SLC12A6: variants seen among roughly 807,000 people sequenced by gnomAD.
The protein encoded by SLC12A6 is solute carrier family 12 member 6, also known as K-Cl cotransporter 3.
A neutral mutation model predicts 135.3 loss-of-function variants in SLC12A6; 66 were observed. That is an observed-to-expected ratio of 0.49 (90% CI 0.40 to 0.60). The LOEUF is 0.60. Ranked by LOEUF, SLC12A6 falls within the 20% of genes least tolerant of loss-of-function variation. The probability of loss-of-function intolerance (pLI) is 0.00; values close to 1 mark genes in which losing one functional copy is unlikely to be tolerated. For synonymous variants in SLC12A6, 513 were observed against 508.8 expected (o/e 1.01, Z -0.11); for missense variants, 1,058 against 1,452.3 (o/e 0.73, Z 4.41).
At position 34,254,576 on chromosome 15, in the gene SLC12A6, G is replaced by C; in HGVS notation, c.890C>G (p.Pro297Arg). 1 of 1,607,538 alleles carries C rather than the reference G, an allele frequency of 6.2e-7. No individual in the cohort carries two copies. Among genetic ancestry groups the C allele is most frequent in the African/African-American group, 1.3e-5 (1 of 74,890 alleles). The change falls in exon 9 of 26, where the codon CCC becomes CGC. Residue 297 changes from proline to arginine, a missense_variant. Pro to Arg is a moderately radical substitution (Grantham distance 103). This residue lies in a region of SLC12A6 where 297 missense variants were observed against 318.5 expected (regional missense o/e 0.93). Coordinates refer to ENST00000354181, the MANE Select transcript of SLC12A6 (RefSeq NM_001365088.1). ...AIEIFLVYIVPRAAIFHSDDA... is the reference protein window; with the variant it reads ...AIEIFLVYIVRRAAIFHSDDA... Reference sequence around the variant, plus strand: ...ATCACTGTGAAAGATGGCAGCTCGGGGGACGATATAGACCTGTTAGGTAAA... The same window carrying C: ...ATCACTGTGAAAGATGGCAGCTCGGCGGACGATATAGACCTGTTAGGTAAA...
intron 2 of SLC12A6, among the ~76,000 whole-genome samples, chr15:34,277,847 G>T (rs2140899961): frequency 6.6e-6 from 1 of 152,230 alleles, no homozygotes; most frequent in Non-Finnish European, 1.5e-5. Context: ...AATGTTTATA[G>T]TTCTAAAAAA....
chr15:34,266,705 T>C (rs960002133), intron 3 of SLC12A6, among the ~76,000 whole-genome samples: 2 of 152,362 alleles, frequency 1.3e-5, no homozygotes, highest in Non-Finnish European at 2.9e-5. Flanking sequence ...GTGCTGGGAT[T>C]ACAGGTGTGA....
intron 2 of SLC12A6, among the ~76,000 whole-genome samples, chr15:34,293,878 G>A (rs1412073200): frequency 6.6e-6 from 1 of 152,176 alleles, no homozygotes; most frequent in Non-Finnish European, 1.5e-5. Context: ...GTTGGGATTA[G>A]AGGTGTGAAC....
rs186104268 is a variant in SLC12A6 at position 34,297,522 on chromosome 15, C to T, written c.272-22133G>A. Among the ~76,000 whole-genome samples the T allele has an allele frequency of 1.2e-4, 18 of 152,210 alleles. No homozygotes were observed. In the East Asian group the frequency reaches 3.3e-3, roughly 28 times the overall value. On this transcript the variant is annotated intron_variant, in intron 2 of 25. Transcript: ENST00000354181. ...TCAGAGAAAGCTGAAATGATTTGCC[C>T]AAGGTGGTGTAGCCAATAAAGCCAA...
Position 34,244,062 on chromosome 15 carries a change from T to C in SLC12A6, c.1954A>G (p.Met652Val). The change falls in exon 16 of 26, where the codon ATG (methionine) becomes GTG (valine). Residue 652 changes from methionine (M) to valine (V), a missense_variant. Transcript: ENST00000354181. The stretch of plus-strand genomic sequence containing the variant: ...GCCAAGTTTACAAAGAGGTAACACA[T>C]GAGAAAAAACCTGAAGAATAAAGAG... ...VAPILSMFFL[M>V]CYLFVNLACA... is the part of the protein sequence containing the mutation. 6.3e-7 allele frequency: 1 copy of C among 1,584,476 alleles called. No homozygotes were observed. The highest frequency in any genetic ancestry group is 8.7e-7 in the Non-Finnish European group (1 of 1,152,800).
Position 34,235,431 on chromosome 15 carries a change from A to ATTTTTTTTTTTTT in SLC12A6, c.3228-130_3228-118dup, listed in dbSNP as rs371322623. 124 of 503,368 alleles carry ATTTTTTTTTTTTT rather than the reference A, an allele frequency of 2.5e-4. 5 individuals carry two copies. The highest frequency in any genetic ancestry group is 6.2e-4 in the Middle Eastern group (1 of 1,614). 31.2% of individuals were successfully genotyped at this position (503,368 alleles called of 1,614,324 possible). A position where few individuals can be genotyped will look rare whatever the true frequency, so the allele number is the denominator to read the frequency against. ...TGACTATGGATAATCTGATAAAATG[A>ATTTTTTTTTTTTT]TTTTTTTTTTTTTTTTTTTTGAGAG... On this transcript the variant is annotated intron_variant, in intron 24 of 25. Transcript: ENST00000354181.
chr15:34,258,271 T>C (rs1484818563), intron 5 of SLC12A6, among the ~76,000 whole-genome samples: 3 of 152,204 alleles, frequency 2.0e-5, no homozygotes, highest in African/African-American at 7.2e-5. Context: ...ACTGAATGTC[T>C]TATATTTTCA....
At chr15:34,247,806 G>A (rs951291519) in intron 13 of SLC12A6, among the ~76,000 whole-genome samples, 2 of 151,870 alleles carry the variant, frequency 1.3e-5, no homozygotes, top group Admixed American at 1.3e-4. Flanking sequence ...CTGGGTTCAA[G>A]TGATCTTTCT....
At position 34,231,254 on chromosome 15, in the gene SLC12A6, C is replaced by T. The variant is rs567355546; in HGVS notation, c.*2627G>A. The T allele has an allele frequency of 2.6e-5, 4 of 152,130 alleles. No homozygotes were observed. The highest frequency in any genetic ancestry group is 3.9e-4 in the East Asian group (2 of 5,126). The allele number at this position is 152,130 out of a possible 1,614,324, so 9.4% of individuals were successfully genotyped here. On this transcript the variant is annotated 3_prime_UTR_variant, in exon 26 of 26. Transcript: ENST00000354181. ...GCACATGCTTGTAATTCCAGCTACT[C>T]GGGAGGCTGAGGCAGGAGAATCGCT... is the stretch of plus-strand genomic sequence containing the variant.
chr15:34,305,759 ATTT>A (rs1161853179), intron 2 of SLC12A6, among the ~76,000 whole-genome samples: 2 of 139,334 alleles, frequency 1.4e-5, no homozygotes, highest in Admixed American at 7.2e-5. Flanking sequence ...CTCCTCCAGC[ATTT>A]TTTTTTTTTT....
intron 3 of SLC12A6, 95 bp from the exon 4 acceptor site, chr15:34,261,115 T>C: frequency 1.3e-6 from 1 of 750,106 alleles, no homozygotes; most frequent in Non-Finnish European, 2.5e-6. Context: ...GGTATTAATA[T>C]AACCCATTTT....
chr15:34,273,068 T>C (rs1894070494), intron 3 of SLC12A6, among the ~76,000 whole-genome samples: 1 of 152,090 alleles, frequency 6.6e-6, no homozygotes, highest in Admixed American at 6.6e-5. Context: ...TATAAAAAAG[T>C]GGCCGGGAGT....
intron 13 of SLC12A6, among the ~76,000 whole-genome samples, chr15:34,249,470 G>A (rs1892236506): frequency 6.6e-6 from 1 of 152,156 alleles, no homozygotes; most frequent in Admixed American, 6.5e-5. Context: ...GGGAAGCTGA[G>A]GCGGGAGGAT....
At chr15:34,319,107 A>G (rs935715410) in intron 2 of SLC12A6, among the ~76,000 whole-genome samples, 6 of 151,686 alleles carry the variant, frequency 4.0e-5, no homozygotes, top group Non-Finnish European at 7.4e-5. Context: ...TATTTCACAC[A>G]AGAAAGATTA....
At position 34,250,671 on chromosome 15, in the gene SLC12A6, C is replaced by A. The variant is rs17236798; in HGVS notation, c.1551G>T (p.Pro517=). ...GDLKDAQKSI[P]IGTILAILTT... ...TCAGGATGGCAAGGATAGTACCAAT[C>A]GGAATAGACTTCTGAGCATCTTTCA... Residue 517 remains proline (P), a synonymous_variant, in exon 12 of 26, where the codon CCG becomes CCT. Transcript: ENST00000354181. 2 of 1,603,580 alleles carry A rather than the reference C, an allele frequency of 1.2e-6. No individual in the cohort carries two copies. The highest frequency in any genetic ancestry group is 8.5e-7 in the Non-Finnish European group (1 of 1,170,592).
rs759630665 is a variant in SLC12A6, at chr15:34,229,887, AT to A, written c.*3993del. The A allele has an allele frequency of 8.6e-7, 1 of 1,163,700 alleles. No individual in the cohort carries two copies. Among genetic ancestry groups the A allele is most frequent in the East Asian group, 2.3e-5 (1 of 42,560 alleles). 72.1% of individuals were successfully genotyped at this position (1,163,700 alleles called of 1,614,324 possible). A position where few individuals can be genotyped will look rare whatever the true frequency, so the allele number is the denominator to read the frequency against. ...CAGCATACTCTTAAACTAATCACTTATGTTAAAAAGAACCAAAAGACTCTTT... is the reference window on the plus strand; with the variant it reads ...CAGCATACTCTTAAACTAATCACTTAGTTAAAAAGAACCAAAAGACTCTTT... On this transcript the variant is annotated 3_prime_UTR_variant, in exon 26 of 26. Coordinates refer to ENST00000354181, the MANE Select transcript of SLC12A6 (RefSeq NM_001365088.1).
chr15:34,304,152 T>G (rs1023626940), intron 2 of SLC12A6, among the ~76,000 whole-genome samples: 3 of 152,262 alleles, frequency 2.0e-5, no homozygotes, highest in African/African-American at 7.2e-5. Flanking sequence ...GGACATTTCC[T>G]ACGAATGGAA....
At chr15:34,305,760 T>C (rs1024051140) in intron 2 of SLC12A6, among the ~76,000 whole-genome samples, 1 of 127,740 alleles carries the variant, frequency 7.8e-6, no homozygotes, top group African/African-American at 3.9e-5. Context: ...TCCTCCAGCA[T>C]TTTTTTTTTT....
intron 3 of SLC12A6, among the ~76,000 whole-genome samples, chr15:34,261,500 G>T (rs779208757): frequency 4.6e-5 from 7 of 152,106 alleles, no homozygotes; most frequent in Non-Finnish European, 1.0e-4. Flanking sequence ...GGTTCACCAC[G>T]TTGGCCAGGC....
Sources: allele counts gnomAD v4.1 joint callset (sites outside exome capture counted in the v4.1 genomes callset), GRCh38; gene constraint gnomAD v4.1.1; regional missense constraint gnomAD v4.1.1; transcripts MANE v1.5; gene names NCBI Gene and HGNC (gene_info 2026-07-23, HGNC 2026-07-21).